The following CERKL variants were observed in gnomAD, a reference collection of about 807,000 sequenced individuals.
CERKL encodes ceramide kinase-like protein.
CERKL carries 61 observed loss-of-function variants against 63.4 expected under a neutral mutation model. The observed-to-expected ratio is 0.96, with a 90% confidence interval of 0.78 to 1.19. CERKL has a LOEUF of 1.19. Ranked by LOEUF, CERKL falls within the 50% of genes most tolerant of loss-of-function variation. CERKL has a pLI of 0.00. For synonymous variants in CERKL, 250 were observed against 230.5 expected (o/e 1.08, Z -0.77); for missense variants, 675 against 655.5 (o/e 1.03, Z -0.33).
At chr2:181,605,209 C>G (rs1559101128) in intron 1 of CERKL, among the ~76,000 whole-genome samples, 2 of 152,166 alleles carry the variant, frequency 1.3e-5, no homozygotes, top group Admixed American at 6.5e-5. Flanking sequence ...AGGGCAGATA[C>G]AGGAATCCTG....
intron 2 of CERKL, among the ~76,000 whole-genome samples, chr2:181,579,690 A>G (rs1460554886): frequency 6.6e-6 from 1 of 151,946 alleles, no homozygotes; most frequent in Non-Finnish European, 1.5e-5. Context: ...AGACTTAAAA[A>G]CTGCATTTTT....
intron 1 of CERKL, among the ~76,000 whole-genome samples, chr2:181,656,221 A>G (rs748372496): frequency 6.6e-6 from 1 of 152,216 alleles, no homozygotes; most frequent in Non-Finnish European, 1.5e-5. Context: ...ATTCTAGACA[A>G]TGGCAAGGAA....
In CERKL at chr2:181,603,944, C is replaced by T. The variant is rs779804099; in HGVS notation, c.374G>A (p.Cys125Tyr). 1 of 1,613,018 alleles carries T rather than the reference C, an allele frequency of 6.2e-7. No homozygotes were observed. The highest frequency in any genetic ancestry group is 1.3e-5 in the African/African-American group (1 of 74,846). Residue 125 changes from cysteine (C) to tyrosine (Y), a missense_variant, in exon 2 of 13, where the codon TGC (cysteine) becomes TAC (tyrosine). Transcript: ENST00000410087. ...TAGTTTATTTTGTTCCTTTTTCAAG[C>T]AGATGAAGAGTGTGATACCTAATAA... is the stretch of plus-strand genomic sequence containing the variant. ...GTLLGITLFI[C>Y]LKKEQNKLKN...
At chr2:181,557,014 A>C (rs921530543) in intron 5 of CERKL, among the ~76,000 whole-genome samples, 33 of 152,018 alleles carry the variant, frequency 2.2e-4, no homozygotes, top group Non-Finnish European at 4.4e-5. Flanking sequence ...GCATTTTTTC[A>C]TGTGTCTTTT....
chr2:181,558,142 C>G lies in CERKL; in HGVS notation c.820+424G>C, dbSNP rs1377094930. Among the ~76,000 whole-genome samples the G allele has an allele frequency of 2.0e-5, 3 of 152,160 alleles. No individual in the cohort carries two copies. The East Asian group carries it at 5.8e-4, about 29-fold the overall frequency. ...GTTATCTGGTTATACATCAATTATGCAAGTTACCATATTCACCTCATATGG... is the reference window on the plus strand; with the variant it reads ...GTTATCTGGTTATACATCAATTATGGAAGTTACCATATTCACCTCATATGG... On this transcript the variant is annotated intron_variant, in intron 5 of 12. Transcript: ENST00000410087. The surrounding 1 kb of genome is among the most constrained non-coding windows in gnomAD (Gnocchi z 4.2).
In CERKL at chr2:181,573,791, G is replaced by T. The variant is rs1689009975; in HGVS notation, c.575C>A (p.Pro192His). ...ATQVYYEKVE[P>H]LLKLAGIKTD... ...TTTTATTCCTGCAAGCTTCAACAGA[G>T]GTTCAACCTTCTCATAATAAACCTG... The change falls in exon 3 of 13, where the codon CCT becomes CAT. Residue 192 changes from proline to histidine, a missense_variant. Coordinates refer to ENST00000410087, the MANE Select transcript of CERKL (RefSeq NM_201548.5). The T allele has an allele frequency of 1.2e-6, 2 of 1,612,236 alleles. No homozygotes were observed. Among genetic ancestry groups the T allele is most frequent in the African/African-American group, 1.3e-5 (1 of 74,992 alleles).
chr2:181,588,090 T>A (rs1267503297), intron 2 of CERKL, among the ~76,000 whole-genome samples: 3 of 152,190 alleles, frequency 2.0e-5, no homozygotes, highest in Non-Finnish European at 4.4e-5. Flanking sequence ...ATATGCATTA[T>A]CTCACATACT....
rs1574439307 is a variant in CERKL, at chr2:181,550,720, G to A, written c.821-1012C>T. Among the ~76,000 whole-genome samples the A allele has an allele frequency of 1.3e-5, 2 of 152,152 alleles. No homozygotes were observed. The highest frequency in any genetic ancestry group is 4.8e-5 in the African/African-American group (2 of 41,526). ...TGTTACTTTGAACTGATATGTACTT[G>A]GGTTGCTAAATTGGAGAAGCTGAGG... On this transcript the variant is annotated intron_variant, in intron 5 of 12. Transcript: ENST00000410087. The surrounding 1 kb of genome is among the most constrained non-coding windows in gnomAD (Gnocchi z 4.5).
At chr2:181,549,264 T>C (rs2105804929) in intron 6 of CERKL, among the ~76,000 whole-genome samples, 1 of 152,326 alleles carries the variant, frequency 6.6e-6, no homozygotes, top group African/African-American at 2.4e-5. Flanking sequence ...GGTTATGTTT[T>C]TTCATTAATA....
intron 1 of CERKL, among the ~76,000 whole-genome samples, chr2:181,611,837 T>C (rs1255687044): frequency 1.3e-5 from 2 of 152,224 alleles, no homozygotes; most frequent in African/African-American, 4.8e-5. Context: ...TGAATGGTAA[T>C]GACACTGTAG....
intron 1 of CERKL, among the ~76,000 whole-genome samples, chr2:181,620,237 A>G (rs751034949): frequency 6.6e-6 from 1 of 152,170 alleles, no homozygotes; most frequent in Non-Finnish European, 1.5e-5. Flanking sequence ...ACCCTTACAT[A>G]CAGTTCAACT....
In CERKL at chr2:181,544,736, T is replaced by C. The variant is rs1305785438; in HGVS notation, c.1329A>G (p.Ile443Met). 1.7e-5 allele frequency: 28 copies of C among 1,608,814 alleles called. No homozygotes were observed. The highest frequency in any genetic ancestry group is 2.4e-5 in the Non-Finnish European group (28 of 1,176,614). The change falls in exon 11 of 13, where the codon ATA (isoleucine) becomes ATG (methionine). Residue 443 changes from isoleucine to methionine, a missense_variant. Physicochemically the swap from Ile to Met is conservative, Grantham distance 10. Transcript: ENST00000410087. Reference sequence around the variant, plus strand: ...CACTGGCATATCTTTTCAGGTGTTTTATAAATTCTGGCCGAGAAGTGTTTC... The same window carrying C: ...CACTGGCATATCTTTTCAGGTGTTTCATAAATTCTGGCCGAGAAGTGTTTC... The part of the protein sequence containing the change: ...IARNTSRPEF[I>M]KHLKRYASVK...
intron 12 of CERKL, among the ~76,000 whole-genome samples, chr2:181,538,867 C>T (rs144174809): frequency 1.0e-3 from 155 of 152,202 alleles, no homozygotes; most frequent in East Asian, 7.1e-3. Flanking sequence ...AATGTAGACA[C>T]GCATAACCAA....
rs748350448 is a variant in CERKL at position 181,604,088 on chromosome 2, A to T, written c.239-9T>A. ...GTCATACTTAGAATCACCTGAAAAA[A>T]AAATAAATTTTCCAATTAAAACCAT... On this transcript the variant is annotated splice_polypyrimidine_tract_variant and intron_variant, in intron 1 of 12. Coordinates refer to ENST00000410087, the MANE Select transcript of CERKL (RefSeq NM_201548.5). 1.3e-6 allele frequency: 2 copies of T among 1,587,718 alleles called. No homozygotes were observed. The highest frequency in any genetic ancestry group is 2.2e-5 in the South Asian group (2 of 90,308).
intron 10 of CERKL, among the ~76,000 whole-genome samples, chr2:181,547,108 A>T (rs1687760707): frequency 6.6e-6 from 1 of 152,140 alleles, no homozygotes; most frequent in African/African-American, 2.4e-5. Context: ...TTCCACCATG[A>T]TTGTGGAGCC....
At chr2:181,579,884 A>G (rs1331312084) in intron 2 of CERKL, among the ~76,000 whole-genome samples, 1 of 151,880 alleles carries the variant, frequency 6.6e-6, no homozygotes, top group Admixed American at 6.6e-5. Flanking sequence ...TAGAGGTACT[A>G]AATTTTTGTA....
At chr2:181,609,974 G>A (rs1005825354) in intron 1 of CERKL, among the ~76,000 whole-genome samples, 4 of 151,790 alleles carry the variant, frequency 2.6e-5, no homozygotes, top group Admixed American at 6.6e-5. Flanking sequence ...AGAAATTTAC[G>A]TAACCTTAAA....
intron 1 of CERKL, among the ~76,000 whole-genome samples, chr2:181,613,244 G>A (rs2105907592): frequency 6.6e-6 from 1 of 152,304 alleles, no homozygotes; most frequent in East Asian, 1.9e-4. Flanking sequence ...ACATATAAGT[G>A]AGATCATCTG....
At chr2:181,571,248 C>T (rs1449827560) in intron 3 of CERKL, among the ~76,000 whole-genome samples, 1 of 151,908 alleles carries the variant, frequency 6.6e-6, no homozygotes, top group Non-Finnish European at 1.5e-5. Context: ...ATAAATTTGC[C>T]TGTAGGAGGA....
Sources: gnomAD v4.1 joint callset for allele counts (sites outside exome capture counted in the v4.1 genomes callset) on GRCh38, gnomAD v4.1.1 for gene constraint, Gnocchi (gnomAD v3.1) non-coding constraint, MANE v1.5 for transcripts, NCBI Gene and HGNC (gene_info 2026-07-23, HGNC 2026-07-21) for gene names.